The following RANBP2 variants were observed in gnomAD, a reference collection of about 807,000 sequenced individuals.
RANBP2 encodes E3 SUMO-protein ligase RanBP2.
A neutral mutation model predicts 303.6 loss-of-function variants in RANBP2; 57 were observed. The ratio of observed to expected loss-of-function variants is 0.19; its 90% CI spans 0.15 to 0.23. The LOEUF is 0.23. RANBP2 is among the 10% of genes least tolerant of loss of function. The probability of loss-of-function intolerance (pLI) is 1.00; values close to 1 mark genes in which losing one functional copy is unlikely to be tolerated. For synonymous variants in RANBP2, 1,167 were observed against 1,301.5 expected, an observed-to-expected ratio of 0.90 and a Z score of 2.23; for missense variants, 3,138 against 3,780.8, an observed-to-expected ratio of 0.83 and a Z score of 4.46.
the RANBP2 span, among the ~76,000 whole-genome samples, chr2:109,416,420 C>A: frequency 6.6e-6 from 1 of 151,908 alleles, no homozygotes; most frequent in Non-Finnish European, 1.5e-5. Context: ...CATGGCGAAA[C>A]CCCCCCGTTT....
chr2:109,282,382 G>T, the RANBP2 span, among the ~76,000 whole-genome samples: 1 of 152,186 alleles, frequency 6.6e-6, no homozygotes, highest in African/African-American at 2.4e-5. Flanking sequence ...TGGTTTTGCT[G>T]AGATACCAAA....
the RANBP2 span, chr2:108,812,691 C>T: frequency 1.3e-5 from 21 of 1,610,000 alleles, no homozygotes; most frequent in Non-Finnish European, 1.6e-5. Context: ...AGTTCAAGCT[C>T]GTTTAGATAA....
At chr2:108,851,907 T>A in the RANBP2 span, among the ~76,000 whole-genome samples, 3 of 152,226 alleles carry the variant, frequency 2.0e-5, no homozygotes, top group African/African-American at 7.2e-5. Context: ...ATATTAGTGA[T>A]GAGGTTTACA....
the RANBP2 span, among the ~76,000 whole-genome samples, chr2:109,259,616 T>C: frequency 1.3e-5 from 2 of 152,260 alleles, no homozygotes; most frequent in African/African-American, 4.8e-5. Context: ...ATGTTATTTA[T>C]GGAGAAGTTG....
the RANBP2 span, among the ~76,000 whole-genome samples, chr2:109,266,365 T>C: frequency 6.6e-6 from 1 of 151,920 alleles, no homozygotes; most frequent in African/African-American, 2.4e-5. Context: ...GGATCCACTC[T>C]GCATCTGACA....
the RANBP2 span, among the ~76,000 whole-genome samples, chr2:109,162,207 G>C: frequency 6.6e-6 from 1 of 152,284 alleles, no homozygotes; most frequent in African/African-American, 2.4e-5. Context: ...CTTTATGTGT[G>C]CCTAGGCTTG....
At chr2:109,273,538 G>A in the RANBP2 span, among the ~76,000 whole-genome samples, 9 of 152,350 alleles carry the variant, frequency 5.9e-5, no homozygotes, top group East Asian at 1.9e-4. Context: ...CACTGGGCAC[G>A]TGTTTAGTGA....
chr2:109,545,500 T>A, the RANBP2 span: 1 of 1,536,200 alleles, frequency 6.5e-7, no homozygotes, highest in Non-Finnish European at 8.7e-7. Context: ...TTTCACAAGC[T>A]CTGACATCAA....
At chr2:109,771,695 ATAGT>A in the RANBP2 span, among the ~76,000 whole-genome samples, 1 of 15,390 alleles carries the variant, frequency 6.5e-5, no homozygotes, top group African/African-American at 4.5e-4. Context: ...TTGGTTTCTA[ATAGT>A]TAGGTAAATA....
the RANBP2 span, among the ~76,000 whole-genome samples, chr2:108,961,167 C>T: frequency 2.6e-5 from 4 of 152,200 alleles, no homozygotes; most frequent in African/African-American, 9.7e-5. Flanking sequence ...TGGGCCTGGC[C>T]CTGACTGGGT....
the RANBP2 span, among the ~76,000 whole-genome samples, chr2:109,021,204 G>A: frequency 1.3e-5 from 2 of 152,284 alleles, no homozygotes; most frequent in African/African-American, 2.4e-5. Context: ...AAGCAACACC[G>A]ATCAGCATGG....
chr2:108,748,251 G>A (rs1675534643), intron 8 of RANBP2, among the ~76,000 whole-genome samples: 2 of 150,520 alleles, frequency 1.3e-5, no homozygotes, highest in South Asian at 4.2e-4. Context: ...TCTGTCGCCC[G>A]GGCTGGAGTG....
At chr2:109,645,630 T>C in the RANBP2 span, among the ~76,000 whole-genome samples, 1 of 152,204 alleles carries the variant, frequency 6.6e-6, no homozygotes, top group African/African-American at 2.4e-5. Flanking sequence ...CAGGGTCCCC[T>C]GCCTGGACTC....
chr2:109,029,573 G>A, the RANBP2 span, among the ~76,000 whole-genome samples: 73 of 152,334 alleles, frequency 4.8e-4, 1 homozygote, highest in Middle Eastern at 0.014. Context: ...TCTGCAGCAT[G>A]TGTGTCCCTG....
At chr2:109,737,792 T>C in the RANBP2 span, among the ~76,000 whole-genome samples, 1 of 152,136 alleles carries the variant, frequency 6.6e-6, no homozygotes. Flanking sequence ...AAATGAAGTC[T>C]CATTGCAGTT....
At chr2:109,317,911 C>G in the RANBP2 span, among the ~76,000 whole-genome samples, 64 of 151,992 alleles carry the variant, frequency 4.2e-4, no homozygotes, top group Non-Finnish European at 7.6e-4. Flanking sequence ...AGCAGCAGCT[C>G]GCTGGCTGCA....
At chr2:109,686,135 A>G in the RANBP2 span, among the ~76,000 whole-genome samples, 2 of 151,800 alleles carry the variant, frequency 1.3e-5, no homozygotes, top group Non-Finnish European at 1.5e-5. Context: ...TCACATTGGT[A>G]TCTTGGGGAG....
At chr2:109,256,131 G>A in the RANBP2 span, among the ~76,000 whole-genome samples, 6 of 152,184 alleles carry the variant, frequency 3.9e-5, no homozygotes, top group Non-Finnish European at 5.9e-5. Flanking sequence ...GGCCAGGCCC[G>A]TGCTTCTGGC....
chr2:108,822,547 G>A, the RANBP2 span, among the ~76,000 whole-genome samples: 6 of 152,108 alleles, frequency 3.9e-5, no homozygotes, highest in Non-Finnish European at 7.4e-5. Flanking sequence ...GATAAACTAC[G>A]TGTTTGGCCA....
Sources: gnomAD v4.1 joint callset for allele counts (sites outside exome capture counted in the v4.1 genomes callset) on GRCh38, gnomAD v4.1.1 for gene constraint, MANE v1.5 for transcripts, NCBI Gene and HGNC (gene_info 2026-07-23, HGNC 2026-07-21) for gene names.